CCDC73: variants seen among roughly 807,000 people sequenced by gnomAD.
CCDC73 encodes the protein coiled-coil domain-containing protein 73.
In CCDC73, 95 loss-of-function variants were observed where a neutral mutation model predicts 116.5. That is an observed-to-expected ratio of 0.82 (90% CI 0.69 to 0.97). The LOEUF (loss-of-function observed/expected upper bound fraction) is 0.97, where lower values mean the gene tolerates loss of function less well. Among genes scored for constraint, CCDC73 ranks in the 50% least tolerant of loss-of-function variants. The probability of loss-of-function intolerance (pLI) is 0.00; values close to 1 mark genes in which losing one functional copy is unlikely to be tolerated. For synonymous variants in CCDC73, 398 were observed against 401.3 expected (o/e 0.99, Z 0.10); for missense variants, 1,066 against 1,206.8 (o/e 0.88, Z 1.73).
At chr11:32,702,323 A>G (rs1352601359) in intron 4 of CCDC73, among the ~76,000 whole-genome samples, 1 of 152,188 alleles carries the variant, frequency 6.6e-6, no homozygotes, top group East Asian at 1.9e-4. Flanking sequence ...AAAGCTACAG[A>G]ATTGAAATGA....
At chr11:32,629,939 A>C (rs1353597713) in intron 14 of CCDC73, among the ~76,000 whole-genome samples, 2 of 151,404 alleles carry the variant, frequency 1.3e-5, no homozygotes, top group African/African-American at 2.4e-5. Context: ...AAAAAACAAA[A>C]AAAAAACGTT....
rs116563620 is a variant in CCDC73 at position 32,634,466 on chromosome 11, T to C, written c.1185+1230A>G. Among the ~76,000 whole-genome samples the C allele has an allele frequency of 2.9e-3, 436 of 152,242 alleles. 1 individual carries two copies. Among genetic ancestry groups the C allele is most frequent in the African/African-American group, 9.9e-3 (411 of 41,562 alleles). ...TTTAATGTCCTTTCATGATAAAAAC[T>C]CATTTGTGATAAAAGCTCAGCAAAC... On this transcript the variant is annotated intron_variant, in intron 14 of 17. Coordinates refer to ENST00000335185, the MANE Select transcript of CCDC73 (RefSeq NM_001008391.4).
chr11:32,753,903 C>T (rs1335922552), intron 2 of CCDC73, among the ~76,000 whole-genome samples: 1 of 152,206 alleles, frequency 6.6e-6, no homozygotes, highest in Non-Finnish European at 1.5e-5. Context: ...TGAGGCACCA[C>T]ACCCAGCCCT....
chr11:32,631,999 T>C (rs1855636186), intron 14 of CCDC73, among the ~76,000 whole-genome samples: 1 of 152,244 alleles, frequency 6.6e-6, no homozygotes, highest in Admixed American at 6.5e-5. Flanking sequence ...TATGACCCAC[T>C]GGAAATATGT....
At chr11:32,636,919 C>T (rs900453385) in intron 13 of CCDC73, among the ~76,000 whole-genome samples, 2 of 151,994 alleles carry the variant, frequency 1.3e-5, no homozygotes, top group Non-Finnish European at 2.9e-5. Flanking sequence ...TCACACTACA[C>T]CAGCATCTTC....
intron 14 of CCDC73, among the ~76,000 whole-genome samples, chr11:32,631,600 A>G (rs1029263868): frequency 1.3e-5 from 2 of 151,228 alleles, no homozygotes; most frequent in South Asian, 4.2e-4. Flanking sequence ...AAGGAAAGGA[A>G]GGAAAGGAAG....
upstream of CCDC73, among the ~76,000 whole-genome samples, chr11:32,797,338 CTG>C (rs1312395968): frequency 6.6e-6 from 1 of 152,186 alleles, no homozygotes; most frequent in Non-Finnish European, 1.5e-5. Context: ...GTTTAGAACT[CTG>C]TACATCTTCC....
intron 13 of CCDC73, among the ~76,000 whole-genome samples, chr11:32,637,738 G>GT (rs1295363216): frequency 6.6e-6 from 1 of 151,788 alleles, no homozygotes; most frequent in Non-Finnish European, 1.5e-5. Context: ...GAAACCCAAG[G>GT]TTCTTTCTTC....
At chr11:32,679,075 A>G (rs1769371090) in intron 7 of CCDC73, among the ~76,000 whole-genome samples, 2 of 152,082 alleles carry the variant, frequency 1.3e-5, no homozygotes, top group African/African-American at 2.4e-5. Flanking sequence ...TATCAGTTGA[A>G]AATTTCTCAT....
At chr11:32,637,313 GTCTTTCTCATTTCT>G (rs1195313856) in intron 13 of CCDC73, among the ~76,000 whole-genome samples, 1 of 151,874 alleles carries the variant, frequency 6.6e-6, no homozygotes, top group African/African-American at 2.4e-5. Flanking sequence ...GCCTGGCCCT[GTCTTTCTCATTTCT>G]TAAAGTCTAT....
At chr11:32,690,945 CAT>C in intron 6 of CCDC73, among the ~76,000 whole-genome samples, 1 of 152,246 alleles carries the variant, frequency 6.6e-6, no homozygotes, top group African/African-American at 2.4e-5. Flanking sequence ...AAGTATATGA[CAT>C]GTGTCCACCA....
chr11:32,652,502 C>G (rs1440665222), intron 12 of CCDC73, among the ~76,000 whole-genome samples: 1 of 152,246 alleles, frequency 6.6e-6, no homozygotes, highest in South Asian at 2.1e-4. Context: ...TCAATCCCTA[C>G]AAGAGATTTT....
chr11:32,732,292 T>C (rs1157878871), intron 2 of CCDC73, among the ~76,000 whole-genome samples: 1 of 152,178 alleles, frequency 6.6e-6, no homozygotes, highest in African/African-American at 2.4e-5. Flanking sequence ...TTACGTCTGA[T>C]TGGTGTACCT....
intron 12 of CCDC73, among the ~76,000 whole-genome samples, chr11:32,651,375 T>G (rs1041429191): frequency 6.6e-6 from 1 of 152,178 alleles, no homozygotes; most frequent in Non-Finnish European, 1.5e-5. Flanking sequence ...GTGGGGTACA[T>G]GCACACAACC....
chr11:32,805,666 C>T, the CCDC73 span, among the ~76,000 whole-genome samples: 3 of 152,152 alleles, frequency 2.0e-5, no homozygotes, highest in African/African-American at 2.4e-5. Flanking sequence ...TGGCCAAATG[C>T]GGCTTGAAAC....
At chr11:32,663,406 T>C (rs1026333922) in intron 9 of CCDC73, among the ~76,000 whole-genome samples, 9 of 152,232 alleles carry the variant, frequency 5.9e-5, no homozygotes, top group African/African-American at 2.2e-4. Context: ...ACATCCCTTG[T>C]AAGTTGGATT....
chr11:32,760,430 A>C (rs982582034), intron 1 of CCDC73, among the ~76,000 whole-genome samples, 172 bp from the exon 2 acceptor site: 2 of 152,144 alleles, frequency 1.3e-5, no homozygotes, highest in Non-Finnish European at 2.9e-5. Flanking sequence ...ACTTAGCAAA[A>C]ATGGTATTAT....
At chr11:32,738,880 G>A (rs1850159086) in intron 2 of CCDC73, among the ~76,000 whole-genome samples, 1 of 151,924 alleles carries the variant, frequency 6.6e-6, no homozygotes, top group Non-Finnish European at 1.5e-5. Flanking sequence ...TTTTGTATAC[G>A]GAAACATAGT....
chr11:32,696,996 AT>A (rs565557844), intron 6 of CCDC73, among the ~76,000 whole-genome samples: 2 of 143,862 alleles, frequency 1.4e-5, no homozygotes, highest in South Asian at 2.2e-4. Context: ...CACCCAGCTA[AT>A]TTTTTTTTTC....
Sources: gnomAD v4.1 joint callset for allele counts (sites outside exome capture counted in the v4.1 genomes callset) on GRCh38, gnomAD v4.1.1 for gene constraint, MANE v1.5 for transcripts, NCBI Gene and HGNC (gene_info 2026-07-23, HGNC 2026-07-21) for gene names.